The following PCTP variants were observed in gnomAD, a reference collection of about 807,000 sequenced individuals.
PCTP encodes START domain-containing protein 2.
PCTP carries 27 observed loss-of-function variants against 31.0 expected under a neutral mutation model. The ratio of observed to expected loss-of-function variants is 0.87; its 90% CI spans 0.64 to 1.20. The LOEUF (loss-of-function observed/expected upper bound fraction) is 1.20, where lower values mean the gene tolerates loss of function less well. Among genes scored for constraint, PCTP ranks in the 50% most tolerant of loss-of-function variants. PCTP has a pLI of 0.00. For synonymous variants in PCTP, 108 were observed against 101.2 expected (o/e 1.07, Z -0.40); for missense variants, 287 against 268.2 (o/e 1.07, Z -0.49).
chr17:55,835,778 C>A (rs1905757742), intron 5 of PCTP, among the ~76,000 whole-genome samples: 1 of 152,184 alleles, frequency 6.6e-6, no homozygotes, highest in Admixed American at 6.5e-5. Context: ...GAGGTCTGAC[C>A]AGCAGATTGA....
chr17:55,805,285 T>G (rs1912538496), intron 3 of PCTP, among the ~76,000 whole-genome samples: 1 of 152,174 alleles, frequency 6.6e-6, no homozygotes, highest in African/African-American at 2.4e-5. Flanking sequence ...GGGTGAGGAA[T>G]GGGCTTCTAA....
intron 2 of PCTP, among the ~76,000 whole-genome samples, chr17:55,783,789 G>C (rs1911648618): frequency 6.6e-6 from 1 of 152,104 alleles, no homozygotes; most frequent in South Asian, 2.1e-4. Flanking sequence ...TTCCCATTTC[G>C]GCTACTTTAA....
rs77423865 is a variant in PCTP at position 55,813,630 on chromosome 17, A to G, written c.318-9131A>G. Among the ~76,000 whole-genome samples the G allele has an allele frequency of 1.3e-3, 197 of 152,296 alleles. 1 individual carries two copies. Among genetic ancestry groups the G allele is most frequent in the African/African-American group, 4.4e-3 (181 of 41,558 alleles). On this transcript the variant is annotated intron_variant, in intron 3 of 3. Coordinates refer to the PCTP transcript ENST00000572536. The stretch of plus-strand genomic sequence containing the variant: ...GTGCCTGGCCAGAAGTTTAATAAAG[A>G]AAATATTCACATTCCACTTGTAGAA...
intron 5 of PCTP, among the ~76,000 whole-genome samples, chr17:55,834,323 T>C (rs553805969): frequency 2.0e-5 from 3 of 152,148 alleles, no homozygotes; most frequent in African/African-American, 7.2e-5. Context: ...CCAGCATGCA[T>C]TACCTACTTT....
chr17:55,776,014 A>G (rs750317085), intron 5 of PCTP, 21 bp from the exon 6 acceptor site: 2 of 1,613,412 alleles, frequency 1.2e-6, no homozygotes, highest in African/African-American at 1.3e-5. Flanking sequence ...CATAGAAATG[A>G]CAGTCTCATT....
At chr17:55,829,295 CTG>C (rs1429711215) in intron 5 of PCTP, among the ~76,000 whole-genome samples, 1 of 151,550 alleles carries the variant, frequency 6.6e-6, no homozygotes, top group Non-Finnish European at 1.5e-5. Flanking sequence ...AAAGTCTAAA[CTG>C]TGTGATTTTT....
chr17:55,809,840 T>G (rs1912692571), intron 3 of PCTP, among the ~76,000 whole-genome samples: 1 of 152,194 alleles, frequency 6.6e-6, no homozygotes, highest in Non-Finnish European at 1.5e-5. Flanking sequence ...TTATTTTGCT[T>G]TTGTTGTTAC....
chr17:55,753,463 C>T (rs1467423772), intron 1 of PCTP, among the ~76,000 whole-genome samples: 2 of 152,144 alleles, frequency 1.3e-5, no homozygotes, highest in Non-Finnish European at 2.9e-5. Flanking sequence ...CTTGCATCAA[C>T]CCTATGATAA....
chr17:55,847,007 T>G (rs1182429571), downstream of PCTP, among the ~76,000 whole-genome samples: 1 of 152,218 alleles, frequency 6.6e-6, no homozygotes, highest in Non-Finnish European at 1.5e-5. Context: ...TCAATGGTGT[T>G]ATCTCAAGTG....
At chr17:55,773,057 G>A (rs1053571181) in intron 3 of PCTP, among the ~76,000 whole-genome samples, 9 of 152,168 alleles carry the variant, frequency 5.9e-5, no homozygotes, top group Admixed American at 1.3e-4. Flanking sequence ...TAAACTTAAG[G>A]GTTCTTCTGT....
At chr17:55,762,065 G>A (rs1222718984) in intron 1 of PCTP, among the ~76,000 whole-genome samples, 1 of 152,152 alleles carries the variant, frequency 6.6e-6, no homozygotes, top group Non-Finnish European at 1.5e-5. Flanking sequence ...TTATAAAGAG[G>A]AGCAAAGAAC....
In PCTP at chr17:55,756,749, G is replaced by GTA. The variant is rs1410356552; in HGVS notation, c.141+5515_141+5516dup. On this transcript the variant is annotated intron_variant, in intron 1 of 5. Transcript: ENST00000268896. ...TGTGTGTGTGTGTGTGTGTATATAT[G>GTA]TATATATATATTTAGGCTTCTCAGG... is the stretch of plus-strand genomic sequence containing the variant. 1.6e-3 allele frequency among the ~76,000 whole-genome samples: 246 copies of GTA among 150,200 alleles called. 1 individual carries two copies. The highest frequency in any genetic ancestry group is 5.8e-3 in the African/African-American group (237 of 40,658).
chr17:55,754,436 C>T (rs1035894981), intron 1 of PCTP, among the ~76,000 whole-genome samples: 1 of 152,198 alleles, frequency 6.6e-6, no homozygotes, highest in African/African-American at 2.4e-5. Context: ...GGGGAAGGAT[C>T]TTGGAACTTC....
In PCTP at chr17:55,775,443, A is replaced by C; in HGVS notation, c.579+584A>C. Reference sequence around the variant, plus strand: ...AGATTCCTTGGAAGAGTGAAAAAGCACATCAACTTTGGAGTCAAACAGACG... The same window carrying C: ...AGATTCCTTGGAAGAGTGAAAAAGCCCATCAACTTTGGAGTCAAACAGACG... On this transcript the variant is annotated intron_variant, in intron 5 of 5. Coordinates refer to ENST00000268896, the MANE Select transcript of PCTP (RefSeq NM_021213.4). 4 of 1,231,664 alleles carry C rather than the reference A, an allele frequency of 3.2e-6. No individual in the cohort carries two copies. In the Admixed American group the frequency reaches 1.7e-4, roughly 52 times the overall value. The allele number at this position is 1,231,664 out of a possible 1,614,324, so 76.3% of individuals were successfully genotyped here. A position where few individuals can be genotyped will look rare whatever the true frequency, so the allele number is the denominator to read the frequency against.
Position 55,751,057 on chromosome 17 carries a change from G to C in PCTP, c.-47G>C, listed in dbSNP as rs753935613. Reference sequence around the variant, plus strand: ...CCCCGCCCCCAGGCCCACACTAAGGGTGTCCGCGGCCTGCCCTCCAGGCGG... The same window carrying C: ...CCCCGCCCCCAGGCCCACACTAAGGCTGTCCGCGGCCTGCCCTCCAGGCGG... On this transcript the variant is annotated 5_prime_UTR_variant, in exon 1 of 6. Coordinates refer to ENST00000268896, the MANE Select transcript of PCTP (RefSeq NM_021213.4). 2 of 1,480,908 alleles carry C rather than the reference G, an allele frequency of 1.4e-6. No homozygotes were observed. Among genetic ancestry groups the C allele is most frequent in the Non-Finnish European group, 8.9e-7 (1 of 1,119,032 alleles). The allele number at this position is 1,480,908 out of a possible 1,614,324, so 91.7% of individuals were successfully genotyped here.
intron 3 of PCTP, among the ~76,000 whole-genome samples, chr17:55,812,943 G>T (rs990499419): frequency 6.6e-6 from 1 of 152,170 alleles, no homozygotes; most frequent in Non-Finnish European, 1.5e-5. Flanking sequence ...AGTCATGAGA[G>T]TTATCACTCC....
chr17:55,848,537 T>C, the PCTP span, among the ~76,000 whole-genome samples: 1 of 152,218 alleles, frequency 6.6e-6, no homozygotes, highest in Non-Finnish European at 1.5e-5. Context: ...CATGCACTAA[T>C]AATTTGCTTG....
intron 3 of PCTP, among the ~76,000 whole-genome samples, chr17:55,808,642 T>A (rs1199010551): frequency 6.6e-6 from 1 of 152,110 alleles, no homozygotes; most frequent in Non-Finnish European, 1.5e-5. Flanking sequence ...TCCTAATCAC[T>A]CAGATTAGCA....
At chr17:55,836,252 C>G (rs962806313) in intron 5 of PCTP, among the ~76,000 whole-genome samples, 3 of 152,134 alleles carry the variant, frequency 2.0e-5, no homozygotes, top group Non-Finnish European at 4.4e-5. Context: ...ATGACATAAC[C>G]TAGTGGATAG....
Sources: allele counts gnomAD v4.1 joint callset (sites outside exome capture counted in the v4.1 genomes callset), GRCh38; gene constraint gnomAD v4.1.1; transcripts MANE v1.5; gene names NCBI Gene and HGNC (gene_info 2026-07-23, HGNC 2026-07-21).